The following PRKG1 variants were observed in gnomAD, a reference collection of about 807,000 sequenced individuals.
PRKG1 encodes the protein cGMP-dependent protein kinase 1.
In PRKG1, 35 loss-of-function variants were observed where a neutral mutation model predicts 88.1. The ratio of observed to expected loss-of-function variants is 0.40; its 90% CI spans 0.30 to 0.53. PRKG1 has a LOEUF of 0.53. PRKG1 is among the 20% of genes least tolerant of loss of function. PRKG1 has a pLI of 0.59. For missense variants in PRKG1, 540 were observed against 839.8 expected, an observed-to-expected ratio of 0.64 and a Z score of 4.41; for synonymous variants, 303 against 292.5, an observed-to-expected ratio of 1.04 and a Z score of -0.37.
Position 51,569,175 on chromosome 10 carries a change from A to G in PRKG1, c.592+101339A>G, listed in dbSNP as rs115118700. ...GTAAACCAAATACTTGGAGGATATA[A>G]CCACCTACCATGGGTTAAGACTAGA... On this transcript the variant is annotated intron_variant, in intron 3 of 17. Transcript: ENST00000373980. 2.6e-3 allele frequency among the ~76,000 whole-genome samples: 393 copies of G among 152,192 alleles called. 3 individuals are homozygous for G. Among genetic ancestry groups the G allele is most frequent in the African/African-American group, 8.9e-3 (369 of 41,560 alleles).
intron 5 of PRKG1, among the ~76,000 whole-genome samples, chr10:51,927,796 C>A (rs1589428632): frequency 6.6e-6 from 1 of 152,286 alleles, no homozygotes; most frequent in East Asian, 1.9e-4. Context: ...TTTGTATTAT[C>A]ATTTGAGACT....
At chr10:51,234,577 T>C (rs1324741676) in intron 2 of PRKG1, among the ~76,000 whole-genome samples, 1 of 152,212 alleles carries the variant, frequency 6.6e-6, no homozygotes, top group African/African-American at 2.4e-5. Flanking sequence ...ATACATAGCA[T>C]TAATTTGGCA....
chr10:51,908,705 C>CTATCTATCTATCTATCTA (rs59864212), intron 5 of PRKG1: 1 of 112,566 alleles, frequency 8.9e-6, no homozygotes, highest in Non-Finnish European at 1.7e-5. Context: ...CTCTCTCTCT[C>CTATCTATCTATCTATCTA]TCTCTCTCTG....
intron 5 of PRKG1, among the ~76,000 whole-genome samples, chr10:52,000,829 CT>C (rs1844575324): frequency 6.6e-6 from 1 of 152,010 alleles, no homozygotes; most frequent in South Asian, 2.1e-4. Context: ...TGTCTTCCAG[CT>C]ACTAATCACT....
intron 9 of PRKG1, among the ~76,000 whole-genome samples, chr10:52,170,491 TA>T (rs1838636566): frequency 6.6e-6 from 1 of 152,136 alleles, no homozygotes; most frequent in Admixed American, 6.5e-5. Flanking sequence ...ACAAAAACAT[TA>T]GTGGCTGCAG....
At chr10:51,548,641 T>C (rs1842502552) in intron 3 of PRKG1, among the ~76,000 whole-genome samples, 1 of 152,178 alleles carries the variant, frequency 6.6e-6, no homozygotes, top group African/African-American at 2.4e-5. Context: ...CTTTCTATTG[T>C]GTTACTATTT....
At chr10:51,765,583 A>G (rs1486572817) in intron 3 of PRKG1, among the ~76,000 whole-genome samples, 1 of 152,192 alleles carries the variant, frequency 6.6e-6, no homozygotes, top group Non-Finnish European at 1.5e-5. Flanking sequence ...CCTGGTACAC[A>G]GGAAGTGTAT....
At chr10:51,807,334 G>A (rs1021444795) in intron 4 of PRKG1, among the ~76,000 whole-genome samples, 1 of 152,086 alleles carries the variant, frequency 6.6e-6, no homozygotes, top group African/African-American at 2.4e-5. Flanking sequence ...CCTATTCTTC[G>A]GTACAAGTCA....
At chr10:51,981,985 A>C (rs919909070) in intron 5 of PRKG1, among the ~76,000 whole-genome samples, 2 of 152,046 alleles carry the variant, frequency 1.3e-5, no homozygotes, top group Non-Finnish European at 2.9e-5. Context: ...CCATGATCTC[A>C]TATATCTTAG....
At chr10:52,107,774 G>A (rs60830257) in intron 7 of PRKG1, among the ~76,000 whole-genome samples, 18,840 of 152,092 alleles carry the variant, frequency 0.12, 1,525 homozygotes, top group East Asian at 0.32. Context: ...CCAATGTGTC[G>A]CTTTCCAATG....
At chr10:51,271,333 C>T (rs1037698345) in intron 2 of PRKG1, among the ~76,000 whole-genome samples, 4 of 151,744 alleles carry the variant, frequency 2.6e-5, no homozygotes, top group African/African-American at 9.7e-5. Context: ...TGTTTAGTTC[C>T]ATCTGTTTCA....
chr10:52,277,500 T>G (rs897089311), intron 12 of PRKG1, among the ~76,000 whole-genome samples: 1 of 152,204 alleles, frequency 6.6e-6, no homozygotes, highest in South Asian at 2.1e-4. Context: ...CAGGCACTTA[T>G]TTTCAGTACA....
At chr10:51,910,305 GC>G (rs1212513897) in intron 5 of PRKG1, 1 of 152,154 alleles carries the variant, frequency 6.6e-6, no homozygotes, top group Non-Finnish European at 1.5e-5. Flanking sequence ...ATCTGTGTTT[GC>G]TATTTGTTCC....
At chr10:51,249,990 C>A (rs1839388502) in intron 2 of PRKG1, among the ~76,000 whole-genome samples, 1 of 151,702 alleles carries the variant, frequency 6.6e-6, no homozygotes, top group Non-Finnish European at 1.5e-5. Context: ...TTATGTAATT[C>A]TTATCATCTA....
At chr10:51,655,580 T>C (rs1384811772) in intron 3 of PRKG1, among the ~76,000 whole-genome samples, 1 of 152,038 alleles carries the variant, frequency 6.6e-6, no homozygotes, top group African/African-American at 2.4e-5. Flanking sequence ...TGTACTTGGA[T>C]TGTTTTTTCA....
rs186600012 is a variant in PRKG1, at chr10:51,501,863, T to A, written c.592+34027T>A. On this transcript the variant is annotated intron_variant, in intron 3 of 17. Coordinates refer to ENST00000373980, the MANE Select transcript of PRKG1 (RefSeq NM_006258.4). ...TACAAAGTTATATCTTGACCAAATA[T>A]GGGCACAGATGTTCTTTTACTGTAC... Among the ~76,000 whole-genome samples, 169 of 147,958 alleles carry A rather than the reference T, an allele frequency of 1.1e-3. 1 individual carries two copies. Among genetic ancestry groups the A allele is most frequent in the African/African-American group, 3.8e-3 (153 of 39,974 alleles).
chr10:51,966,815 A>G (rs982212286), intron 5 of PRKG1, among the ~76,000 whole-genome samples: 9 of 152,194 alleles, frequency 5.9e-5, no homozygotes, highest in African/African-American at 2.2e-4. Context: ...GTCAATGCTC[A>G]GCATCACTGG....
At chr10:51,474,560 C>G (rs982853175) in intron 3 of PRKG1, among the ~76,000 whole-genome samples, 1 of 151,690 alleles carries the variant, frequency 6.6e-6, no homozygotes, top group Non-Finnish European at 1.5e-5. Flanking sequence ...GCATTGAAAC[C>G]CTTATGGATG....
intron 3 of PRKG1, among the ~76,000 whole-genome samples, chr10:51,658,956 G>C (rs186463575): frequency 5.9e-5 from 9 of 151,944 alleles, no homozygotes; most frequent in Admixed American, 2.0e-4. Context: ...CATATTACTA[G>C]ACAAAAATGA....
Sources: allele counts gnomAD v4.1 joint callset (sites outside exome capture counted in the v4.1 genomes callset), GRCh38; gene constraint gnomAD v4.1.1; transcripts MANE v1.5; gene names NCBI Gene and HGNC (gene_info 2026-07-23, HGNC 2026-07-21).